The following AHCYL2 variants were observed in gnomAD, a reference collection of about 807,000 sequenced individuals.
AHCYL2 encodes S-adenosylhomocysteine hydrolase-like protein 2.
Under a neutral mutation model 81.4 loss-of-function variants are expected in AHCYL2, and 28 were observed. That is an observed-to-expected ratio of 0.34 (90% CI 0.25 to 0.47). The LOEUF (loss-of-function observed/expected upper bound fraction) is 0.47, where lower values mean the gene tolerates loss of function less well. Ranked by LOEUF, AHCYL2 falls within the 20% of genes least tolerant of loss-of-function variation. The pLI is 1.00. For missense variants in AHCYL2, 551 were observed against 785.1 expected, an observed-to-expected ratio of 0.70 and a Z score of 3.56; for synonymous variants, 272 against 290.2, an observed-to-expected ratio of 0.94 and a Z score of 0.64.
intron 10 of AHCYL2, among the ~76,000 whole-genome samples, chr7:129,409,097 A>AC (rs1384193959): frequency 6.6e-6 from 1 of 151,826 alleles, no homozygotes; most frequent in Non-Finnish European, 1.5e-5. Flanking sequence ...TAAAAAAAAA[A>AC]AAACACACAC....
intron 1 of AHCYL2, among the ~76,000 whole-genome samples, chr7:129,280,690 G>C (rs1184890480): frequency 3.3e-5 from 5 of 151,814 alleles, no homozygotes; most frequent in Non-Finnish European, 7.4e-5. Flanking sequence ...TATGATATTA[G>C]CTGTTGTTTT....
chr7:129,411,605 C>CA (rs143922621), intron 11 of AHCYL2, among the ~76,000 whole-genome samples: 32,555 of 151,792 alleles, frequency 0.21, 4,135 homozygotes, highest in Non-Finnish European at 0.28. Flanking sequence ...ACTAAAAATA[C>CA]AAAAAATTAG....
intron 1 of AHCYL2, among the ~76,000 whole-genome samples, chr7:129,244,779 G>A (rs529466753): frequency 8.5e-5 from 13 of 152,164 alleles, no homozygotes; most frequent in Admixed American, 2.6e-4. Context: ...ATCTAATGCC[G>A]CCTTCTGATA....
chr7:129,352,838 A>G (rs942751331), intron 1 of AHCYL2, among the ~76,000 whole-genome samples: 4 of 151,772 alleles, frequency 2.6e-5, no homozygotes, highest in Admixed American at 1.3e-4. Context: ...ATGTCACTCC[A>G]TTGCTTAAAA....
intron 1 of AHCYL2, among the ~76,000 whole-genome samples, chr7:129,253,419 A>C (rs1227364881): frequency 1.3e-5 from 2 of 152,214 alleles, no homozygotes; most frequent in Non-Finnish European, 2.9e-5. Flanking sequence ...AAGCAATTGT[A>C]GTTTACTAAT....
In AHCYL2 at chr7:129,422,981, G is replaced by C. The variant is rs758609314; in HGVS notation, c.1560+43G>C. 6 of 1,562,662 alleles carry C rather than the reference G, an allele frequency of 3.8e-6. No individual in the cohort carries two copies. The African/African-American group carries it at 6.8e-5, about 18-fold the overall frequency. ...AAAAATACTCCCCCACAACAGGAGA[G>C]ACTGCAATACCCAGGTCCCCTCCTC... On this transcript the variant is annotated intron_variant, in intron 13 of 16. Transcript: ENST00000325006.
At chr7:129,331,393 A>T (rs150171637) in intron 1 of AHCYL2, among the ~76,000 whole-genome samples, 2 of 152,322 alleles carry the variant, frequency 1.3e-5, no homozygotes, top group Admixed American at 1.3e-4. Context: ...TTATAAATTT[A>T]TAAACAACAA....
intron 4 of AHCYL2, among the ~76,000 whole-genome samples, chr7:129,394,245 A>G (rs1795605720): frequency 6.6e-6 from 1 of 151,808 alleles, no homozygotes; most frequent in Non-Finnish European, 1.5e-5. Context: ...TCCTGGCCTC[A>G]AGCGATCTCC....
chr7:129,299,369 G>GTTTTTTTTTTTTTTTTTTTTTT (rs71162592), intron 1 of AHCYL2, among the ~76,000 whole-genome samples: 2 of 46,306 alleles, frequency 4.3e-5, no homozygotes, highest in African/African-American at 8.2e-5. Context: ...AGTCCAACTT[G>GTTTTTTTTTTTTTTTTTTTTTT]TTTTTTTTTT....
At position 129,317,918 on chromosome 7, in the gene AHCYL2, TAAAC is replaced by T. The variant is rs568533132; in HGVS notation, c.364-61716_364-61713del. Among the ~76,000 whole-genome samples the T allele has an allele frequency of 1.7e-3, 260 of 152,322 alleles. 1 individual carries two copies. Among genetic ancestry groups the T allele is most frequent in the Middle Eastern group, 3.4e-3 (1 of 294 alleles). Reference sequence around the variant, plus strand: ...AACTAACTATTACTATTCCTCTAGATAAACAAAAATTTTCTGGGGTATTTTTCAA... The same window carrying T: ...AACTAACTATTACTATTCCTCTAGATAAAAATTTTCTGGGGTATTTTTCAA... On this transcript the variant is annotated intron_variant, in intron 1 of 16. Coordinates refer to ENST00000325006, the MANE Select transcript of AHCYL2 (RefSeq NM_015328.4).
intron 1 of AHCYL2, among the ~76,000 whole-genome samples, chr7:129,343,116 A>ACATTTTC (rs1793243675): frequency 6.6e-6 from 1 of 152,178 alleles, no homozygotes; most frequent in Non-Finnish European, 1.5e-5. Flanking sequence ...AAATAGCAAA[A>ACATTTTC]CATTTTCCTT....
intron 4 of AHCYL2, among the ~76,000 whole-genome samples, chr7:129,390,391 G>C (rs1234513333): frequency 6.6e-6 from 1 of 152,152 alleles, no homozygotes; most frequent in Non-Finnish European, 1.5e-5. Flanking sequence ...ATCCATGGGA[G>C]TGCTGGAATA....
Position 129,292,774 on chromosome 7 carries a change from AAAAC to A in AHCYL2, c.363+67339_363+67342del, listed in dbSNP as rs1300820690. On this transcript the variant is annotated intron_variant, in intron 1 of 16. Coordinates refer to ENST00000325006, the MANE Select transcript of AHCYL2 (RefSeq NM_015328.4). ...AGAGTGAGACTCTGTCTTAAAAAAA[AAAAC>A]AAAGAAAGTAAGTTATGTTAATAGG... 2.0e-5 allele frequency among the ~76,000 whole-genome samples: 3 copies of A among 152,110 alleles called. No individual in the cohort carries two copies. In the East Asian group the frequency reaches 5.8e-4, roughly 29 times the overall value.
intron 1 of AHCYL2, among the ~76,000 whole-genome samples, chr7:129,362,471 A>C (rs1351227842): frequency 6.6e-6 from 1 of 152,100 alleles, no homozygotes; most frequent in African/African-American, 2.4e-5. Context: ...AAGGAGATTT[A>C]AGGTCCAGCA....
chr7:129,280,903 C>T (rs1235486083), intron 1 of AHCYL2, among the ~76,000 whole-genome samples: 3 of 147,850 alleles, frequency 2.0e-5, no homozygotes, highest in African/African-American at 5.0e-5. Flanking sequence ...CTCGCTCTGT[C>T]GCCCAGGCTG....
chr7:129,232,674 TC>T (rs746269513), intron 1 of AHCYL2, among the ~76,000 whole-genome samples: 2 of 152,228 alleles, frequency 1.3e-5, no homozygotes, highest in African/African-American at 2.4e-5. Context: ...CCCTCCTTGA[TC>T]AGCAGATTCA....
At chr7:129,387,678 A>G (rs997597183) in intron 2 of AHCYL2, among the ~76,000 whole-genome samples, 10 of 152,204 alleles carry the variant, frequency 6.6e-5, no homozygotes, top group African/African-American at 1.7e-4. Context: ...GATTAGTAAA[A>G]CAGATGACTT....
intron 1 of AHCYL2, among the ~76,000 whole-genome samples, chr7:129,365,575 G>A (rs1794079843): frequency 6.8e-6 from 1 of 147,992 alleles, no homozygotes; most frequent in Admixed American, 7.0e-5. Flanking sequence ...ACCATACTGT[G>A]TAGTCTTTAC....
In AHCYL2 at chr7:129,225,136, G is replaced by T. The variant is rs748887588; in HGVS notation, c.60G>T (p.Lys20Asn). 1.2e-6 allele frequency: 2 copies of T among 1,603,146 alleles called. No individual in the cohort carries two copies. The highest frequency in any genetic ancestry group is 2.2e-5 in the South Asian group (2 of 89,302). The change falls in exon 1 of 17, where the codon AAG becomes AAT. Residue 20 changes from lysine to asparagine, a missense_variant. Transcript: ENST00000325006. ...CCAAGGTGCCTGAGGTGGAGCTGAA[G>T]GACCTGAGCCCCTCCGAGGCGGAGT... ...AAAKVPEVEL[K>N]DLSPSEAESQ...
Sources: gnomAD v4.1 joint callset for allele counts (sites outside exome capture counted in the v4.1 genomes callset) on GRCh38, gnomAD v4.1.1 for gene constraint, MANE v1.5 for transcripts, NCBI Gene and HGNC (gene_info 2026-07-23, HGNC 2026-07-21) for gene names.